Variants in NAA25 observed in about 807,000 individuals in gnomAD.
NAA25 encodes N-terminal acetyltransferase B complex subunit NAA25.
NAA25 carries 30 observed loss-of-function variants against 132.5 expected under a neutral mutation model. The ratio of observed to expected loss-of-function variants is 0.23; its 90% CI spans 0.17 to 0.31. The LOEUF (loss-of-function observed/expected upper bound fraction) is 0.31, where lower values mean the gene tolerates loss of function less well. Among genes scored for constraint, NAA25 ranks in the 10% least tolerant of loss-of-function variants. The pLI is 1.00. For missense variants in NAA25, 771 were observed against 1,150.4 expected (o/e 0.67, Z 4.77); for synonymous variants, 359 against 401.9 (o/e 0.89, Z 1.28).
At chr12:112,055,386 GAGA>G (rs1366674982) in intron 13 of NAA25, among the ~76,000 whole-genome samples, 4 of 152,110 alleles carry the variant, frequency 2.6e-5, no homozygotes, top group Non-Finnish European at 4.4e-5. Context: ...CAAAGAGAGA[GAGA>G]AGAAGAAAAC....
At chr12:112,074,630 TA>T in intron 9 of NAA25, 44 bp downstream of exon 9, 1 of 1,163,168 alleles carries the variant, frequency 8.6e-7, no homozygotes. Flanking sequence ...TTCACTACAC[TA>T]TATTAAAAAG....
chr12:112,100,872 C>G (rs1473553879), intron 1 of NAA25, among the ~76,000 whole-genome samples: 1 of 152,122 alleles, frequency 6.6e-6, no homozygotes, highest in East Asian at 1.9e-4. Flanking sequence ...CCTGCCTTGG[C>G]CTCCCAAAGT....
intron 8 of NAA25, 152 bp downstream of exon 8, chr12:112,075,526 G>C (rs1276260265): frequency 1.2e-5 from 7 of 580,442 alleles, no homozygotes; most frequent in South Asian, 4.3e-5. Flanking sequence ...AAAGATGAAG[G>C]CTCCTTAAAA....
At chr12:112,033,162 A>G (rs2078172184) in intron 23 of NAA25, 71 bp downstream of exon 23, 33 of 1,439,826 alleles carry the variant, frequency 2.3e-5, no homozygotes, top group Non-Finnish European at 3.0e-5. Flanking sequence ...TCCTTGTGAT[A>G]AAGATGAGAG....
At chr12:112,071,303 G>A (rs917303784) in intron 10 of NAA25, among the ~76,000 whole-genome samples, 1 of 152,364 alleles carries the variant, frequency 6.6e-6, no homozygotes, top group South Asian at 2.1e-4. Context: ...TTACAGGTGT[G>A]AGCCAATGCA....
intron 13 of NAA25, among the ~76,000 whole-genome samples, chr12:112,059,950 G>A (rs2078602331): frequency 6.6e-6 from 1 of 152,028 alleles, no homozygotes; most frequent in Admixed American, 6.6e-5. Context: ...TGGGACTACA[G>A]GCATGCGCCC....
chr12:112,066,984 T>C (rs772481951), intron 11 of NAA25, among the ~76,000 whole-genome samples: 14 of 152,312 alleles, frequency 9.2e-5, no homozygotes, highest in East Asian at 3.9e-4. Context: ...AGCCCTGTTA[T>C]AGAAAGACTT....
rs778897774 is a variant in NAA25, at chr12:112,043,215, GA to G, written c.2251-5del. 1.9e-6 allele frequency: 3 copies of G among 1,571,470 alleles called. No individual in the cohort carries two copies. Among genetic ancestry groups the G allele is most frequent in the Non-Finnish European group, 2.6e-6 (3 of 1,161,674 alleles). ...GTACAGGACCAAGGAAAGGATACTG[GA>G]AAAAAGGGAGAAAAATAATGCTCTT... On this transcript the variant is annotated splice_polypyrimidine_tract_variant and splice_region_variant and intron_variant, in intron 18 of 23. Coordinates refer to ENST00000261745, the MANE Select transcript of NAA25 (RefSeq NM_024953.4).
intron 4 of NAA25, among the ~76,000 whole-genome samples, chr12:112,084,241 T>C (rs532245609): frequency 2.6e-5 from 4 of 152,232 alleles, no homozygotes; most frequent in Non-Finnish European, 5.9e-5. Flanking sequence ...GCAGAAGCTC[T>C]TAAGTTTCCC....
At chr12:112,084,659 G>T (rs747026920) in intron 4 of NAA25, among the ~76,000 whole-genome samples, 1 of 151,150 alleles carries the variant, frequency 6.6e-6, no homozygotes, top group Non-Finnish European at 1.5e-5. Context: ...GCTTAGTGGC[G>T]CGTGCCTGTA....
intron 22 of NAA25, chr12:112,034,116 G>A (rs1445768354): frequency 1.3e-5 from 2 of 152,126 alleles, no homozygotes; most frequent in Non-Finnish European, 2.9e-5. Context: ...TGTTGGGGAT[G>A]AGTACAAATG....
chr12:112,078,569 TATAAC>T (rs1480435009), intron 6 of NAA25, 60 bp downstream of exon 6: 4 of 1,364,722 alleles, frequency 2.9e-6, no homozygotes, highest in Non-Finnish European at 4.2e-6. Context: ...TTCATAGTAT[TATAAC>T]ATAATATTGT....
At chr12:112,039,168 A>G (rs2078267424) in intron 22 of NAA25, 61 bp downstream of exon 22, 1 of 1,059,458 alleles carries the variant, frequency 9.4e-7, no homozygotes, top group Non-Finnish European at 1.4e-6. Flanking sequence ...AAAACAGTGA[A>G]AAGAAAAAGT....
Position 112,028,118 on chromosome 12 carries a change from G to C in NAA25, c.*1413C>G, listed in dbSNP as rs550975365. ...GTACACAGATATTCCCAGCTCTCTTGGTTGCTTTTAAAAGAAAAAAGTACC... is the reference window on the plus strand; with the variant it reads ...GTACACAGATATTCCCAGCTCTCTTCGTTGCTTTTAAAAGAAAAAAGTACC... On this transcript the variant is annotated 3_prime_UTR_variant, in exon 24 of 24. Transcript: ENST00000261745. The C allele has an allele frequency of 9.2e-5, 14 of 152,238 alleles. No individual in the cohort carries two copies. Among genetic ancestry groups the C allele is most frequent in the African/African-American group, 3.1e-4 (13 of 41,550 alleles). The allele number at this position is 152,238 out of a possible 1,614,324, so 9.4% of individuals were successfully genotyped here.
At chr12:112,038,303 C>A (rs1366362215) in intron 22 of NAA25, among the ~76,000 whole-genome samples, 1 of 152,064 alleles carries the variant, frequency 6.6e-6, no homozygotes, top group African/African-American at 2.4e-5. Context: ...TGTGAGCCAC[C>A]ACATCCGGCC....
chr12:112,047,312 A>ACCT (rs1169526556), intron 17 of NAA25, among the ~76,000 whole-genome samples: 1 of 148,958 alleles, frequency 6.7e-6, no homozygotes, highest in Non-Finnish European at 1.5e-5. Flanking sequence ...GCTCACTGCA[A>ACCT]CCTCCGCTCC....
intron 22 of NAA25, 66 bp downstream of exon 22, chr12:112,039,163 A>G (rs1230924324): frequency 1.0e-6 from 1 of 982,926 alleles, no homozygotes; most frequent in Non-Finnish European, 1.5e-6. Context: ...GGAGGAAAAC[A>G]GTGAAAAGAA....
chr12:112,099,714 A>G (rs555548711), intron 1 of NAA25, among the ~76,000 whole-genome samples: 4 of 152,152 alleles, frequency 2.6e-5, no homozygotes, highest in Non-Finnish European at 5.9e-5. Context: ...TGCTGTCCAC[A>G]TGCCCTGGAG....
intron 7 of NAA25, among the ~76,000 whole-genome samples, chr12:112,077,077 T>C (rs907519129): frequency 6.6e-6 from 1 of 152,056 alleles, no homozygotes. Context: ...TTAAGTAAAT[T>C]TCTACATTCA....
Sources: gnomAD v4.1 joint callset for allele counts (sites outside exome capture counted in the v4.1 genomes callset) on GRCh38, gnomAD v4.1.1 for gene constraint, MANE v1.5 for transcripts, NCBI Gene and HGNC (gene_info 2026-07-23, HGNC 2026-07-21) for gene names.